Variants in C12orf42 observed in about 807,000 individuals in gnomAD.
The protein encoded by C12orf42 is chromosome 12 open reading frame 42.
A neutral mutation model predicts 21.6 loss-of-function variants in C12orf42; 25 were observed. That is an observed-to-expected ratio of 1.16 (90% CI 0.84 to 1.62). The LOEUF (loss-of-function observed/expected upper bound fraction) is 1.62. C12orf42 is among the 40% of genes most tolerant of loss of function. C12orf42 has a pLI of 0.00. For synonymous variants in C12orf42, 174 were observed against 175.0 expected (o/e 0.99, Z 0.05); for missense variants, 483 against 459.3 (o/e 1.05, Z -0.47).
At chr12:103,491,452 C>T (rs1231562572) in intron 1 of C12orf42, among the ~76,000 whole-genome samples, 1 of 152,150 alleles carries the variant, frequency 6.6e-6, no homozygotes, top group Non-Finnish European at 1.5e-5. Context: ...AACAAACACT[C>T]CTTGCCTCAA....
At chr12:103,505,319 C>T in the C12orf42 span, 507 of 262,084 alleles carry the variant, frequency 1.9e-3, no homozygotes, top group Non-Finnish European at 2.6e-3. Context: ...CCCTTCCATC[C>T]GGGGTTAGTG....
intron 4 of C12orf42, among the ~76,000 whole-genome samples, chr12:103,354,598 T>C (rs1295294812): frequency 6.6e-6 from 1 of 152,138 alleles, no homozygotes; most frequent in African/African-American, 2.4e-5. Context: ...AGAACAGTGT[T>C]TGGTGCAGAG....
chr12:103,165,985 A>G, the C12orf42 span, among the ~76,000 whole-genome samples: 2 of 151,870 alleles, frequency 1.3e-5, no homozygotes. Flanking sequence ...GGTTGGAGTG[A>G]GCCGAGATCG....
the C12orf42 span, among the ~76,000 whole-genome samples, chr12:103,096,272 A>G: frequency 1.3e-5 from 2 of 152,258 alleles, no homozygotes; most frequent in Admixed American, 6.5e-5. Context: ...ATTTTTTGTT[A>G]GTAAATAATC....
At chr12:103,462,182 A>G (rs1201974855) in intron 2 of C12orf42, among the ~76,000 whole-genome samples, 3 of 129,660 alleles carry the variant, frequency 2.3e-5, no homozygotes, top group African/African-American at 8.8e-5. Flanking sequence ...ATCTCCACTC[A>G]CTGCAACCTC....
At chr12:103,344,411 C>T (rs1341702462) in intron 4 of C12orf42, among the ~76,000 whole-genome samples, 1 of 152,142 alleles carries the variant, frequency 6.6e-6, no homozygotes, top group Non-Finnish European at 1.5e-5. Context: ...GTGAAGTCAC[C>T]GATGGATGAC....
chr12:103,151,351 TAC>T, the C12orf42 span, among the ~76,000 whole-genome samples: 43,571 of 151,450 alleles, frequency 0.29, 7,118 homozygotes, highest in East Asian at 0.44. Flanking sequence ...AGTATATATA[TAC>T]ATATAGAAAG....
At chr12:103,300,558 C>G (rs1485220026), downstream of C12orf42, among the ~76,000 whole-genome samples, 2 of 152,176 alleles carry the variant, frequency 1.3e-5, no homozygotes, top group Non-Finnish European at 2.9e-5. Context: ...AGGAATCCAT[C>G]TACTATATCA....
chr12:103,443,067 AAGG>A (rs1327672791), intron 2 of C12orf42, among the ~76,000 whole-genome samples: 1 of 152,146 alleles, frequency 6.6e-6, no homozygotes, highest in Non-Finnish European at 1.5e-5. Context: ...TCAGGCTAGT[AAGG>A]AGGTGCATGG....
At chr12:103,062,184 T>C in the C12orf42 span, among the ~76,000 whole-genome samples, 2 of 151,494 alleles carry the variant, frequency 1.3e-5, no homozygotes, top group Non-Finnish European at 3.0e-5. Context: ...ATTATTGTTT[T>C]ATAAAGTCAT....
At chr12:103,191,743 T>TAAA in the C12orf42 span, among the ~76,000 whole-genome samples, 3 of 122,066 alleles carry the variant, frequency 2.5e-5, no homozygotes, top group East Asian at 2.2e-4. Context: ...ACTCTGTGTC[T>TAAA]AAAAAAAAAA....
chr12:103,542,326 G>A, the C12orf42 span, among the ~76,000 whole-genome samples: 5 of 152,174 alleles, frequency 3.3e-5, no homozygotes, highest in Admixed American at 6.5e-5. Context: ...AAGAATTCTT[G>A]GAAATTCTAG....
chr12:103,545,423 C>G, the C12orf42 span, among the ~76,000 whole-genome samples: 1 of 151,722 alleles, frequency 6.6e-6, no homozygotes, highest in Non-Finnish European at 1.5e-5. Context: ...AGAGCATAAA[C>G]AAAGATGTAA....
At chr12:103,182,941 G>A in the C12orf42 span, among the ~76,000 whole-genome samples, 1 of 152,144 alleles carries the variant, frequency 6.6e-6, no homozygotes, top group Non-Finnish European at 1.5e-5. Context: ...TATAACATAT[G>A]CAGTTTCAAG....
chr12:103,185,346 A>C, the C12orf42 span, among the ~76,000 whole-genome samples: 1 of 152,198 alleles, frequency 6.6e-6, no homozygotes, highest in African/African-American at 2.4e-5. Context: ...CAGGTACTTC[A>C]GGTAGGAAGT....
the C12orf42 span, among the ~76,000 whole-genome samples, chr12:103,087,634 T>C: frequency 6.6e-6 from 1 of 152,242 alleles, no homozygotes; most frequent in Non-Finnish European, 1.5e-5. Context: ...CCAGGTGGCA[T>C]TGTGCTAAGT....
the C12orf42 span, among the ~76,000 whole-genome samples, chr12:103,117,182 C>T: frequency 1.3e-5 from 2 of 152,184 alleles, no homozygotes; most frequent in African/African-American, 4.8e-5. Flanking sequence ...ACAAAATCTC[C>T]TTATCTCTCC....
chr12:103,293,422 C>T (rs773297386), intron 4 of C12orf42, among the ~76,000 whole-genome samples: 11 of 152,166 alleles, frequency 7.2e-5, no homozygotes, highest in Middle Eastern at 6.8e-3. Context: ...GCTTCAGGTA[C>T]CACGAAAGTT....
intron 2 of C12orf42, among the ~76,000 whole-genome samples, chr12:103,442,671 A>G (rs992370147): frequency 5.9e-5 from 9 of 152,188 alleles, no homozygotes; most frequent in Non-Finnish European, 1.3e-4. Context: ...TATGATCAGA[A>G]CAATGTAGAT....
Sources: allele counts gnomAD v4.1 joint callset (sites outside exome capture counted in the v4.1 genomes callset), GRCh38; gene constraint gnomAD v4.1.1; transcripts MANE v1.5; gene names NCBI Gene and HGNC (gene_info 2026-07-23, HGNC 2026-07-21).